Variants in DLGAP2 observed in about 807,000 individuals in gnomAD.
The protein encoded by DLGAP2 is disks large-associated protein 2.
DLGAP2 carries 26 observed loss-of-function variants against 100.3 expected under a neutral mutation model. The ratio of observed to expected loss-of-function variants is 0.26; its 90% CI spans 0.19 to 0.36. The LOEUF is 0.36. Ranked by LOEUF, DLGAP2 falls within the 10% of genes least tolerant of loss-of-function variation. The pLI, the probability that DLGAP2 is intolerant of heterozygous loss-of-function variation, is 1.00. For synonymous variants in DLGAP2, 886 were observed against 630.1 expected (o/e 1.41, Z -6.08); for missense variants, 1,858 against 1,453.2 (o/e 1.28, Z -4.53).
chr8:1,264,325 T>G (rs1265087231), intron 3 of DLGAP2, among the ~76,000 whole-genome samples: 3 of 151,922 alleles, frequency 2.0e-5, no homozygotes, highest in African/African-American at 4.8e-5. Context: ...GTAGGGGTGG[T>G]GGAAACACTG....
intron 2 of DLGAP2, among the ~76,000 whole-genome samples, chr8:1,036,159 T>G (rs1276378359): frequency 1.4e-5 from 2 of 143,886 alleles, no homozygotes. Context: ...GCGAGTGGAT[T>G]CACACGCTCA....
intron 8 of DLGAP2, among the ~76,000 whole-genome samples, chr8:1,652,743 G>A (rs35355216): frequency 0.23 from 35,429 of 152,134 alleles, 4,529 homozygotes; most frequent in East Asian, 0.38. Context: ...CTTGAAGTCA[G>A]GGTCAGATCT....
chr8:1,347,115 C>T (rs1426745255), intron 3 of DLGAP2, among the ~76,000 whole-genome samples: 2 of 151,982 alleles, frequency 1.3e-5, no homozygotes, highest in East Asian at 3.9e-4. Flanking sequence ...TTTGAGTTCC[C>T]ACACAGAGCT....
At chr8:1,070,193 G>A (rs943717810) in intron 2 of DLGAP2, among the ~76,000 whole-genome samples, 6 of 152,094 alleles carry the variant, frequency 3.9e-5, no homozygotes, top group African/African-American at 1.2e-4. Context: ...TAGACTCGGC[G>A]AGTCCTTTCT....
At chr8:1,036,729 C>G (rs891957289) in intron 2 of DLGAP2, among the ~76,000 whole-genome samples, 3 of 152,128 alleles carry the variant, frequency 2.0e-5, no homozygotes, top group Non-Finnish European at 2.9e-5. Context: ...GAACAGCTCC[C>G]AGCTGTAGCG....
intron 3 of DLGAP2, among the ~76,000 whole-genome samples, chr8:1,382,414 G>T (rs192933204): frequency 1.2e-4 from 19 of 152,234 alleles, no homozygotes; most frequent in African/African-American, 3.1e-4. Flanking sequence ...TTGTTCAAGG[G>T]CAAGTGTGCG....
At chr8:889,324 G>A (rs1359503472) in intron 1 of DLGAP2, among the ~76,000 whole-genome samples, 2 of 152,192 alleles carry the variant, frequency 1.3e-5, no homozygotes, top group Admixed American at 6.5e-5. Flanking sequence ...GTCCCTTGGT[G>A]GAGAGGGTGT....
chr8:1,438,675 G>A (rs976578858), intron 3 of DLGAP2, among the ~76,000 whole-genome samples: 1 of 152,126 alleles, frequency 6.6e-6, no homozygotes, highest in African/African-American at 2.4e-5. Context: ...TCCTCCAAGG[G>A]CAGGATTTGA....
At chr8:783,394 C>T (rs928701184) in intron 1 of DLGAP2, among the ~76,000 whole-genome samples, 1 of 152,164 alleles carries the variant, frequency 6.6e-6, no homozygotes, top group African/African-American at 2.4e-5. Context: ...TTAAAGGAAT[C>T]TCATGATATT....
intron 3 of DLGAP2, among the ~76,000 whole-genome samples, chr8:1,417,727 A>ACAGAAGCCCACGGAGACCTATGAACAGG (rs1796970028): frequency 9.0e-6 from 1 of 111,518 alleles, no homozygotes; most frequent in African/African-American, 3.1e-5. Context: ...GAGGCTCCAG[A>ACAGAAGCCCACGGAGACCTATGAACAGG]CACAGAAGCC....
chr8:749,721 G>A (rs1332261501), intron 1 of DLGAP2, among the ~76,000 whole-genome samples: 2 of 152,190 alleles, frequency 1.3e-5, no homozygotes, highest in African/African-American at 4.8e-5. Flanking sequence ...TAATGGGTGT[G>A]TTTAGTTTCC....
intron 6 of DLGAP2, among the ~76,000 whole-genome samples, chr8:1,569,861 A>T (rs1464207880): frequency 2.7e-5 from 4 of 150,594 alleles, no homozygotes; most frequent in East Asian, 2.0e-4. Flanking sequence ...ATAGATCTTC[A>T]CCCCATGGCA....
intron 3 of DLGAP2, among the ~76,000 whole-genome samples, chr8:1,315,274 G>A (rs113975240): frequency 1.2e-4 from 17 of 144,716 alleles, no homozygotes; most frequent in South Asian, 2.3e-4. Flanking sequence ...ACTCGGCAGC[G>A]TTTAAAAATA....
chr8:1,692,891 T>TATATATAAATATATATACACATATTA (rs1341827091), intron 13 of DLGAP2, among the ~76,000 whole-genome samples: 1 of 148,732 alleles, frequency 6.7e-6, no homozygotes, highest in Non-Finnish European at 1.5e-5. Context: ...TACATATGCT[T>TATATATAAATATATATACACATATTA]ATATATAAAT....
intron 4 of DLGAP2, among the ~76,000 whole-genome samples, chr8:1,535,986 C>T (rs944919033): frequency 7.9e-5 from 12 of 152,214 alleles, no homozygotes; most frequent in African/African-American, 2.9e-4. Context: ...CCGAGGCTCA[C>T]CTGAGAGTCT....
At chr8:1,696,904 C>G (rs1014203433) in intron 13 of DLGAP2, among the ~76,000 whole-genome samples, 5 of 152,246 alleles carry the variant, frequency 3.3e-5, no homozygotes, top group Non-Finnish European at 7.3e-5. Flanking sequence ...TGCCCCATTC[C>G]CAGCATTTTC....
intron 3 of DLGAP2, among the ~76,000 whole-genome samples, chr8:1,428,924 A>C (rs1015066009): frequency 2.6e-5 from 4 of 152,190 alleles, no homozygotes; most frequent in Admixed American, 2.0e-4. Context: ...ATCTAGGGTG[A>C]GCCATCCTTG....
intron 10 of DLGAP2, among the ~76,000 whole-genome samples, chr8:1,676,215 A>T (rs541104409): frequency 2.0e-5 from 3 of 152,326 alleles, no homozygotes; most frequent in South Asian, 2.1e-4. Flanking sequence ...AGAGCTTTTA[A>T]GTCCTGTTAT....
chr8:928,883 G>C (rs1798878110), intron 2 of DLGAP2, among the ~76,000 whole-genome samples: 1 of 151,966 alleles, frequency 6.6e-6, no homozygotes, highest in Non-Finnish European at 1.5e-5. Context: ...CTTACACCAG[G>C]GTAGGGGCAG....
Sources: allele counts gnomAD v4.1 joint callset (sites outside exome capture counted in the v4.1 genomes callset), GRCh38; gene constraint gnomAD v4.1.1; transcripts MANE v1.5; gene names NCBI Gene and HGNC (gene_info 2026-07-23, HGNC 2026-07-21).